MED13: variants seen among roughly 807,000 people sequenced by gnomAD.
MED13 encodes the protein mediator of RNA polymerase II transcription subunit 13.
In MED13, 23 loss-of-function variants were observed where a neutral mutation model predicts 225.2. The observed-to-expected ratio is 0.10, with a 90% CI of 0.07 to 0.14. The LOEUF (loss-of-function observed/expected upper bound fraction) is 0.14, where lower values mean the gene tolerates loss of function less well. Among genes scored for constraint, MED13 ranks in the 10% least tolerant of loss-of-function variants. The pLI, the probability that MED13 is intolerant of heterozygous loss-of-function variation, is 1.00. For missense variants in MED13, 2,197 were observed against 2,594.5 expected (o/e 0.85, Z 3.33); for synonymous variants, 942 against 889.2 (o/e 1.06, Z -1.06).
intron 18 of MED13, among the ~76,000 whole-genome samples, chr17:61,967,741 C>T (rs982489320): frequency 6.6e-6 from 1 of 152,036 alleles, no homozygotes; most frequent in African/African-American, 2.4e-5. Context: ...TTTTTCCTGG[C>T]TATTTAACAT....
chr17:62,040,412 A>T (rs2080843535), intron 3 of MED13, among the ~76,000 whole-genome samples: 1 of 152,344 alleles, frequency 6.6e-6, no homozygotes, highest in Middle Eastern at 3.4e-3. Flanking sequence ...TGGAAAAAAA[A>T]GTTCCTCAAA....
intron 3 of MED13, 45 bp downstream of exon 3, chr17:62,052,492 G>T: frequency 1.4e-6 from 2 of 1,420,652 alleles, no homozygotes; most frequent in South Asian, 3.0e-5. Context: ...ACACAAAAAG[G>T]AACAAATCTA....
At chr17:61,951,104 C>G in intron 27 of MED13, 106 bp from the exon 28 acceptor site, 1 of 789,614 alleles carries the variant, frequency 1.3e-6, no homozygotes, top group African/African-American at 1.8e-5. Flanking sequence ...CTTATGACAT[C>G]GATTTAATAA....
Position 62,033,090 on chromosome 17 carries a change from T to G in MED13, c.814+697A>C, listed in dbSNP as rs141552638. Among the ~76,000 whole-genome samples the G allele has an allele frequency of 1.4e-3, 213 of 151,794 alleles. 2 individuals are homozygous for G. The East Asian group carries it at 0.035, about 25-fold the overall frequency. ...GCTTGAACCTGGGAGGCGGAGGAGG[T>G]TGCAGTGAGCCAAGATCGCGCCATT... On this transcript the variant is annotated intron_variant, in intron 5 of 29. Coordinates refer to ENST00000397786, the MANE Select transcript of MED13 (RefSeq NM_005121.3).
At chr17:61,981,256 A>G (rs2080202101) in intron 16 of MED13, among the ~76,000 whole-genome samples, 1 of 151,790 alleles carries the variant, frequency 6.6e-6, no homozygotes, top group Non-Finnish European at 1.5e-5. Context: ...TCCTGACCTC[A>G]GGTGACCTGC....
rs2080717394 is a variant in MED13, at chr17:62,027,856, CATA to C, written c.1283+1682_1283+1684del. Among the ~76,000 whole-genome samples, 5 of 151,986 alleles carry C rather than the reference CATA, an allele frequency of 3.3e-5. No individual in the cohort carries two copies. The South Asian group carries it at 1.0e-3, about 31-fold the overall frequency. Reference sequence around the variant, plus strand: ...TCATTAGAGAAATGCAAATCAAAACCATAATGAGATAACATCTCACACCAGTCA... The same window carrying C: ...TCATTAGAGAAATGCAAATCAAAACCATGAGATAACATCTCACACCAGTCA... On this transcript the variant is annotated intron_variant, in intron 8 of 29. Coordinates refer to ENST00000397786, the MANE Select transcript of MED13 (RefSeq NM_005121.3).
Position 62,011,055 on chromosome 17 carries a change from T to A in MED13, c.1462A>T (p.Met488Leu). 3.1e-6 allele frequency: 5 copies of A among 1,614,238 alleles called. No homozygotes were observed. Among genetic ancestry groups the A allele is most frequent in the South Asian group, 1.1e-5 (1 of 91,092 alleles). The stretch of plus-strand genomic sequence containing the variant: ...CTTTGGCTGGCTGAATCTGCGTCCA[T>A]GCCAACATCATCACTAACAGACACA... Reference protein sequence around the residue: ...HRVSVSDDVGMDADSASQRLV... With the variant: ...HRVSVSDDVGLDADSASQRLV... Residue 488 changes from methionine to leucine, a missense_variant, in exon 9 of 30, where the codon ATG becomes TTG. Around this residue, in one of 12 missense-constraint regions of MED13, gnomAD observed 884 missense variants for 918.5 expected, o/e 0.96. Coordinates refer to ENST00000397786, the MANE Select transcript of MED13 (RefSeq NM_005121.3).
intron 1 of MED13, 79 bp downstream of exon 1, chr17:62,065,061 G>A (rs1166788052): frequency 7.5e-6 from 10 of 1,340,864 alleles, no homozygotes; most frequent in African/African-American, 6.1e-5. Flanking sequence ...ATCTGGACCA[G>A]ACCCGGCCCC....
rs148390824 is a variant in MED13 at position 62,023,985 on chromosome 17, T to C, written c.1283+5556A>G. Reference sequence around the variant, plus strand: ...AATTTTAGCATATTAAATCTCTATATGCCTCTGAGAAATTTCTGAAAATAC... The same window carrying C: ...AATTTTAGCATATTAAATCTCTATACGCCTCTGAGAAATTTCTGAAAATAC... On this transcript the variant is annotated intron_variant, in intron 8 of 29. Coordinates refer to ENST00000397786, the MANE Select transcript of MED13 (RefSeq NM_005121.3). Among the ~76,000 whole-genome samples, 487 of 152,214 alleles carry C rather than the reference T, an allele frequency of 3.2e-3. 3 individuals are homozygous for C. The highest frequency in any genetic ancestry group is 0.014 in the Middle Eastern group (4 of 294).
At chr17:62,005,381 T>C (rs970605467) in intron 9 of MED13, 1 of 152,080 alleles carries the variant, frequency 6.6e-6, no homozygotes, top group African/African-American at 2.4e-5. Context: ...TGACACAGAC[T>C]GATCACTTGA....
chr17:61,976,924 T>TC (rs753772088), intron 16 of MED13, among the ~76,000 whole-genome samples: 3 of 152,158 alleles, frequency 2.0e-5, no homozygotes, highest in Non-Finnish European at 4.4e-5. Context: ...AGAGTGAGAC[T>TC]CCGTCTCAAA....
chr17:61,957,784 A>AT (rs1207804194), intron 23 of MED13, among the ~76,000 whole-genome samples: 1 of 152,208 alleles, frequency 6.6e-6, no homozygotes, highest in Non-Finnish European at 1.5e-5. Context: ...TCCAAACAAC[A>AT]TTGTTACATG....
chr17:61,960,943 A>G lies in MED13; in HGVS notation c.5404T>C (p.Trp1802Arg). Residue 1802 changes from tryptophan to arginine, a missense_variant, in exon 23 of 30, where the codon TGG (tryptophan) becomes CGG (arginine). Physicochemically the swap from Trp to Arg is moderately radical, Grantham distance 101. Coordinates refer to ENST00000397786, the MANE Select transcript of MED13 (RefSeq NM_005121.3). The stretch of plus-strand genomic sequence containing the variant: ...AGATCTGTGCAAGATGCAAGAATCC[A>G]CCTTTGATCATGTGATAAACAGTAT... ...VGYCLSHDQR[W>R]ILASCTDLYG... 3 of 1,613,898 alleles carry G rather than the reference A, an allele frequency of 1.9e-6. No individual in the cohort carries two copies. The highest frequency in any genetic ancestry group is 2.5e-6 in the Non-Finnish European group (3 of 1,179,940).
chr17:62,015,401 C>A (rs2080553418), intron 8 of MED13, among the ~76,000 whole-genome samples: 2 of 152,050 alleles, frequency 1.3e-5, no homozygotes, highest in East Asian at 1.9e-4. Flanking sequence ...AAGAATGAAT[C>A]TGTAAGTGCT....
rs144152014 is a variant in MED13, at chr17:61,984,003, C to T, written c.2888+168G>A. On this transcript the variant is annotated intron_variant, in intron 15 of 29. Coordinates refer to ENST00000397786, the MANE Select transcript of MED13 (RefSeq NM_005121.3). ...TTGGCCTCCCAAAGTATGGGAATTA[C>T]AGGCGTGATTCACTGCTCCCAGCCA... 2.0e-3 allele frequency among the ~76,000 whole-genome samples: 298 copies of T among 152,264 alleles called. 1 individual carries two copies. Among genetic ancestry groups the T allele is most frequent in the African/African-American group, 6.9e-3 (287 of 41,546 alleles).
At chr17:62,020,339 T>C (rs574499676) in intron 8 of MED13, among the ~76,000 whole-genome samples, 1 of 152,210 alleles carries the variant, frequency 6.6e-6, no homozygotes, top group Non-Finnish European at 1.5e-5. Context: ...TATGAATACA[T>C]CATTGAGACT....
At chr17:61,990,359 G>T (rs903236294) in intron 11 of MED13, among the ~76,000 whole-genome samples, 1 of 151,778 alleles carries the variant, frequency 6.6e-6, no homozygotes, top group Non-Finnish European at 1.5e-5. Context: ...AATTCCAAGT[G>T]TTTGCTCACT....
chr17:62,039,161 T>C (rs2080831306), intron 3 of MED13, among the ~76,000 whole-genome samples: 1 of 152,214 alleles, frequency 6.6e-6, no homozygotes, highest in African/African-American at 2.4e-5. Flanking sequence ...CAGCAGTCTA[T>C]GATCAAAGAA....
chr17:62,014,310 T>TTATATATATATATATATATATA (rs79817498), intron 8 of MED13, among the ~76,000 whole-genome samples: 24 of 143,108 alleles, frequency 1.7e-4, no homozygotes, highest in African/African-American at 5.6e-4. Flanking sequence ...GTATATGTTT[T>TTATATATATATATATATATATA]TATATATATA....
Sources: allele counts gnomAD v4.1 joint callset (sites outside exome capture counted in the v4.1 genomes callset), GRCh38; gene constraint gnomAD v4.1.1; regional missense constraint gnomAD v4.1.1; transcripts MANE v1.5; gene names NCBI Gene and HGNC (gene_info 2026-07-23, HGNC 2026-07-21).